The following CUBN variants were observed in gnomAD, a reference collection of about 807,000 sequenced individuals.
CUBN encodes 460 kDa receptor.
CUBN carries 282 observed loss-of-function variants against 405.3 expected under a neutral mutation model. The ratio of observed to expected loss-of-function variants is 0.70; its 90% confidence interval spans 0.63 to 0.77. CUBN has a LOEUF of 0.77. Ranked by LOEUF, CUBN falls within the 30% of genes least tolerant of loss-of-function variation. The pLI, the probability that CUBN is intolerant of heterozygous loss-of-function variation, is 0.00. For synonymous variants in CUBN, 1,684 were observed against 1,617.0 expected, an observed-to-expected ratio of 1.04 and a Z score of -0.99; for missense variants, 4,514 against 4,475.2, an observed-to-expected ratio of 1.01 and a Z score of -0.25.
At chr10:16,978,805 C>A (rs1439982819) in intron 31 of CUBN, among the ~76,000 whole-genome samples, 2 of 152,146 alleles carry the variant, frequency 1.3e-5, no homozygotes, top group African/African-American at 4.8e-5. Flanking sequence ...CCCTCTCTAA[C>A]CACTCCTATT....
At chr10:17,056,906 A>G (rs1248563614) in intron 22 of CUBN, among the ~76,000 whole-genome samples, 1 of 152,190 alleles carries the variant, frequency 6.6e-6, no homozygotes, top group Non-Finnish European at 1.5e-5. Context: ...AACACCTCAC[A>G]AAAGAAAATA....
At chr10:16,988,579 G>C (rs1232777426) in intron 29 of CUBN, among the ~76,000 whole-genome samples, 2 of 152,084 alleles carry the variant, frequency 1.3e-5, no homozygotes, top group Non-Finnish European at 2.9e-5. Context: ...CACTGAGAAG[G>C]ATGACTTTAC....
At chr10:16,983,425 C>T (rs1402172666) in intron 30 of CUBN, among the ~76,000 whole-genome samples, 4 of 152,154 alleles carry the variant, frequency 2.6e-5, no homozygotes, top group Non-Finnish European at 5.9e-5. Flanking sequence ...AGCTGTGGAA[C>T]TTTGGGCAAG....
Position 16,840,515 on chromosome 10 carries a change from T to C in CUBN, c.9847A>G (p.Asn3283Asp), listed in dbSNP as rs1839314821. 1 of 1,606,334 alleles carries C rather than the reference T, an allele frequency of 6.2e-7. No individual in the cohort carries two copies. The highest frequency in any genetic ancestry group is 1.3e-5 in the African/African-American group (1 of 74,820). Residue 3283 changes from asparagine (N) to aspartate (D), a missense_variant, in exon 62 of 67, where the codon AAT becomes GAT. Coordinates refer to ENST00000377833, the MANE Select transcript of CUBN (RefSeq NM_001081.4). ...IMDMPCGGTY[N>D]ATWTPQNISS... The stretch of plus-strand genomic sequence containing the variant: ...ATATTTTGTGGGGTCCAAGTTGCAT[T>C]GTATGTTCCACCACAAGGCACTGGA...
chr10:16,864,983 G>A (rs1259972435), intron 59 of CUBN, among the ~76,000 whole-genome samples: 16 of 109,162 alleles, frequency 1.5e-4, no homozygotes, highest in African/African-American at 5.2e-4. Context: ...TTTTTGGGAC[G>A]GAGTTTTGCT....
intron 45 of CUBN, among the ~76,000 whole-genome samples, chr10:16,916,341 G>T (rs1301390660): frequency 6.6e-6 from 1 of 152,188 alleles, no homozygotes; most frequent in Non-Finnish European, 1.5e-5. Flanking sequence ...AGAGCTAATA[G>T]TCGCAAGTAA....
At chr10:17,000,480 T>C (rs1833847773) in intron 28 of CUBN, among the ~76,000 whole-genome samples, 1 of 152,228 alleles carries the variant, frequency 6.6e-6, no homozygotes, top group African/African-American at 2.4e-5. Context: ...AAAGAATGAA[T>C]TGTGTCACTT....
At chr10:17,030,087 A>C (rs966541968) in intron 27 of CUBN, among the ~76,000 whole-genome samples, 3 of 152,144 alleles carry the variant, frequency 2.0e-5, no homozygotes, top group African/African-American at 7.2e-5. Flanking sequence ...ATGAGAATCG[A>C]ATGCCTGATA....
chr10:16,824,913 G>T lies in CUBN; in HGVS notation c.*62C>A. On this transcript the variant is annotated 3_prime_UTR_variant, in exon 67 of 67. Coordinates refer to ENST00000377833, the MANE Select transcript of CUBN (RefSeq NM_001081.4). ...TCAGCAGGGGTCATGTATCAGGATG[G>T]CAGAGTGCTGTCCAGCGTGCTGCAG... 1 of 1,147,756 alleles carries T rather than the reference G, an allele frequency of 8.7e-7. No individual in the cohort carries two copies. Among genetic ancestry groups the T allele is most frequent in the Non-Finnish European group, 1.3e-6 (1 of 759,376 alleles). The allele number at this position is 1,147,756 out of a possible 1,614,324, so 71.1% of individuals were successfully genotyped here. A position where few individuals can be genotyped will look rare whatever the true frequency, so the allele number is the denominator to read the frequency against.
chr10:17,024,977 A>G (rs1020959563), intron 27 of CUBN, among the ~76,000 whole-genome samples: 2 of 152,232 alleles, frequency 1.3e-5, no homozygotes, highest in African/African-American at 4.8e-5. Context: ...AATTAAATAT[A>G]GTTCATGTAG....
intron 8 of CUBN, 87 bp from the exon 9 acceptor site, chr10:17,111,137 C>A: frequency 7.0e-7 from 1 of 1,431,718 alleles, no homozygotes; most frequent in Non-Finnish European, 9.8e-7. Context: ...TAAAAACCTT[C>A]TCCACCTAAG....
chr10:16,869,557 T>TGG lies in CUBN; in HGVS notation c.9454+77_9454+78dup, dbSNP rs59702069. On this transcript the variant is annotated intron_variant, in intron 59 of 66. Coordinates refer to ENST00000377833, the MANE Select transcript of CUBN (RefSeq NM_001081.4). ...AAAAGCAATCATAATCAGGTGGGGGTGGGGGGGGGGCGGGGAAATTAAATA... is the reference window on the plus strand; with the variant it reads ...AAAAGCAATCATAATCAGGTGGGGGTGGGGGGGGGGGGCGGGGAAATTAAATA... The TGG allele has an allele frequency of 2.7e-3, 1,881 of 708,008 alleles. 4 individuals are homozygous for TGG. In the East Asian group the frequency reaches 0.036, roughly 14 times the overall value. The allele number at this position is 708,008 out of a possible 1,614,324, so 43.9% of individuals were successfully genotyped here.
chr10:16,943,969 C>T (rs1464988989), intron 36 of CUBN, among the ~76,000 whole-genome samples: 1 of 152,154 alleles, frequency 6.6e-6, no homozygotes, highest in Admixed American at 6.6e-5. Context: ...TTGCTTTAGG[C>T]TGGTACATTT....
intron 43 of CUBN, among the ~76,000 whole-genome samples, chr10:16,921,217 T>C (rs1842023790): frequency 6.6e-6 from 1 of 152,230 alleles, no homozygotes; most frequent in South Asian, 2.1e-4. Flanking sequence ...CTAAGCACAT[T>C]ACATTAGGCT....
rs1427238798 is a variant in CUBN at position 17,064,556 on chromosome 10, ACCATATG to A, written c.3139+945_3139+951del. On this transcript the variant is annotated intron_variant, in intron 22 of 66. Transcript: ENST00000377833. Reference sequence around the variant, plus strand: ...CGGAGAAATGCTTGGAAGCATGGTCACCATATGCCTACTATGGGTCTATGCTGGATGT... The same window carrying A: ...CGGAGAAATGCTTGGAAGCATGGTCACCTACTATGGGTCTATGCTGGATGT... Among the ~76,000 whole-genome samples the A allele has an allele frequency of 2.0e-5, 3 of 152,288 alleles. No individual in the cohort carries two copies. The East Asian group carries it at 5.8e-4, about 29-fold the overall frequency.
chr10:17,117,072 T>C (rs929229985), intron 6 of CUBN, among the ~76,000 whole-genome samples: 2 of 152,176 alleles, frequency 1.3e-5, no homozygotes, highest in Admixed American at 6.6e-5. Context: ...GATAAAGTCA[T>C]AGGAAAATAA....
Position 17,086,029 on chromosome 10 carries a change from G to A in CUBN, c.1948-270C>T, listed in dbSNP as rs546472835. Among the ~76,000 whole-genome samples the A allele has an allele frequency of 9.1e-4, 136 of 148,750 alleles. 1 individual carries two copies. The highest frequency in any genetic ancestry group is 1.4e-3 in the Non-Finnish European group (95 of 67,614). ...TCACCAGGCTGGAGTGCAGTGGTGC[G>A]ATCTCAGCTGACTGCAACCTCCACC... On this transcript the variant is annotated intron_variant, in intron 15 of 66. Transcript: ENST00000377833.
intron 27 of CUBN, among the ~76,000 whole-genome samples, chr10:17,022,824 AT>A (rs1444397777): frequency 6.6e-6 from 1 of 152,226 alleles, no homozygotes; most frequent in African/African-American, 2.4e-5. Flanking sequence ...TAACCTTTGG[AT>A]TGTAATTTAG....
chr10:16,833,815 TG>T (rs1839085960), intron 64 of CUBN, among the ~76,000 whole-genome samples: 2 of 152,168 alleles, frequency 1.3e-5, no homozygotes, highest in Admixed American at 6.5e-5. Flanking sequence ...CATTTCTTTA[TG>T]CTACAAAGGT....
Sources: gnomAD v4.1 joint callset for allele counts (sites outside exome capture counted in the v4.1 genomes callset) on GRCh38, gnomAD v4.1.1 for gene constraint, MANE v1.5 for transcripts, NCBI Gene and HGNC (gene_info 2026-07-23, HGNC 2026-07-21) for gene names.